SRPK2: variants seen among roughly 807,000 people sequenced by gnomAD.
The protein encoded by SRPK2 is SRSF protein kinase 2, also known as SFRS protein kinase 2.
A neutral mutation model predicts 90.8 loss-of-function variants in SRPK2; 21 were observed. The observed-to-expected ratio is 0.23, with a 90% confidence interval of 0.16 to 0.33. The LOEUF (loss-of-function observed/expected upper bound fraction) is 0.33, where lower values mean the gene tolerates loss of function less well. Ranked by LOEUF, SRPK2 falls within the 10% of genes least tolerant of loss-of-function variation. SRPK2 has a pLI of 1.00. For missense variants in SRPK2, 620 were observed against 869.0 expected, an observed-to-expected ratio of 0.71 and a Z score of 3.60; for synonymous variants, 288 against 311.1, an observed-to-expected ratio of 0.93 and a Z score of 0.78.
At chr7:105,230,078 A>T (rs1249034739) in intron 2 of SRPK2, among the ~76,000 whole-genome samples, 1 of 152,232 alleles carries the variant, frequency 6.6e-6, no homozygotes, top group African/African-American at 2.4e-5. Flanking sequence ...TAAAATGCTA[A>T]GGCAGGAATT....
Position 105,235,670 on chromosome 7 carries a change from AAACATTC to A in SRPK2, c.72-31892_72-31886del, listed in dbSNP as rs1199647952. On this transcript the variant is annotated intron_variant, in intron 2 of 15. Coordinates refer to ENST00000393651, the MANE Select transcript of SRPK2 (RefSeq NM_182692.3). ...TCATATGATCTATAAAAGGCATGAG[AAACATTC>A]AACATTTGAAACTATGAGAAATAAT... Among the ~76,000 whole-genome samples, 8 of 152,320 alleles carry A rather than the reference AAACATTC, an allele frequency of 5.3e-5. No homozygotes were observed. The East Asian group carries it at 1.5e-3, about 29-fold the overall frequency.
At chr7:105,292,613 G>C (rs1809205656) in intron 2 of SRPK2, among the ~76,000 whole-genome samples, 1 of 151,418 alleles carries the variant, frequency 6.6e-6, no homozygotes, top group Non-Finnish European at 1.5e-5. Flanking sequence ...CGCACCTGAA[G>C]ATCTGCTACT....
At chr7:105,397,006 A>G (rs543430467) in intron 1 of SRPK2, among the ~76,000 whole-genome samples, 7 of 151,868 alleles carry the variant, frequency 4.6e-5, no homozygotes, top group Non-Finnish European at 1.0e-4. Context: ...GGATGCTTTT[A>G]TTATTGTTTT....
At chr7:105,134,004 G>A (rs1802418837) in intron 11 of SRPK2, among the ~76,000 whole-genome samples, 1 of 152,128 alleles carries the variant, frequency 6.6e-6, no homozygotes, top group Non-Finnish European at 1.5e-5. Flanking sequence ...AGTCCTTAAA[G>A]TCAGCATCTT....
intron 2 of SRPK2, among the ~76,000 whole-genome samples, chr7:105,378,920 T>C (rs1820617221): frequency 1.3e-5 from 2 of 152,026 alleles, no homozygotes; most frequent in Non-Finnish European, 1.5e-5. Context: ...GTCTTTACAC[T>C]TGTGGGAGAG....
chr7:105,167,390 G>A lies in SRPK2; in HGVS notation c.501C>T (p.Gly167=). The change falls in exon 6 of 16, where the codon GGC becomes GGT. Residue 167 remains glycine, a synonymous_variant. Coordinates refer to ENST00000393651, the MANE Select transcript of SRPK2 (RefSeq NM_182692.3). ...VQLIDDFKIS[G]MNGIHVCMVF... The stretch of plus-strand genomic sequence containing the variant: ...AGTAAAGGATACGTATCCCATTCAT[G>A]CCTGAAATCTTGAAGTCGTCAATGA... 3 of 1,613,338 alleles carry A rather than the reference G, an allele frequency of 1.9e-6. No homozygotes were observed. Among genetic ancestry groups the A allele is most frequent in the Non-Finnish European group, 2.5e-6 (3 of 1,179,430 alleles).
At chr7:105,152,281 C>G (rs539393764) in intron 7 of SRPK2, among the ~76,000 whole-genome samples, 1 of 152,116 alleles carries the variant, frequency 6.6e-6, no homozygotes, top group Admixed American at 6.5e-5. Context: ...TCCCTAGTAG[C>G]TGGGATTACA....
intron 4 of SRPK2, 142 bp from the exon 5 acceptor site, chr7:105,168,237 C>T (rs1022198637): frequency 3.9e-5 from 25 of 637,546 alleles, no homozygotes; most frequent in South Asian, 6.3e-5. Flanking sequence ...TGTGTCAACA[C>T]GATGCCACAG....
intron 3 of SRPK2, among the ~76,000 whole-genome samples, chr7:105,191,882 C>CA (rs1794329760): frequency 6.9e-6 from 1 of 144,070 alleles, no homozygotes; most frequent in Admixed American, 7.0e-5. Context: ...ACAAAAAAAA[C>CA]TTTTTTTTTT....
At chr7:105,136,953 A>G (rs1056537457) in intron 11 of SRPK2, among the ~76,000 whole-genome samples, 2 of 152,214 alleles carry the variant, frequency 1.3e-5, no homozygotes, top group Admixed American at 1.3e-4. Context: ...AATATGGGCA[A>G]TAAGGCAAAT....
chr7:105,223,446 T>A (rs1036444995), intron 2 of SRPK2, among the ~76,000 whole-genome samples: 1 of 152,178 alleles, frequency 6.6e-6, no homozygotes. Flanking sequence ...AAATTAAATG[T>A]CTCCCATCTC....
At chr7:105,337,234 C>T (rs1354977095) in intron 2 of SRPK2, among the ~76,000 whole-genome samples, 1 of 152,030 alleles carries the variant, frequency 6.6e-6, no homozygotes, top group Non-Finnish European at 1.5e-5. Flanking sequence ...GCCTTAACCC[C>T]CAGTGTGATA....
At chr7:105,275,585 C>T (rs1274637317) in intron 2 of SRPK2, among the ~76,000 whole-genome samples, 1 of 152,174 alleles carries the variant, frequency 6.6e-6, no homozygotes, top group African/African-American at 2.4e-5. Context: ...TAATGCTTCA[C>T]CTGTCTACGT....
chr7:105,251,150 C>T (rs1802431736), intron 2 of SRPK2, among the ~76,000 whole-genome samples: 1 of 152,198 alleles, frequency 6.6e-6, no homozygotes, highest in African/African-American at 2.4e-5. Flanking sequence ...TATAACAGGA[C>T]AACGCCATAG....
In SRPK2 at chr7:105,254,587, C is replaced by G. The variant is rs184665833; in HGVS notation, c.72-50802G>C. Among the ~76,000 whole-genome samples, 156 of 151,940 alleles carry G rather than the reference C, an allele frequency of 1.0e-3. 1 individual carries two copies. Among genetic ancestry groups the G allele is most frequent in the African/African-American group, 3.1e-3 (127 of 41,466 alleles). The stretch of plus-strand genomic sequence containing the variant: ...ATTTGCATATGTTAAGTATAAAATG[C>G]CAGTTTGAAAATCATTTCTCAGTAT... On this transcript the variant is annotated intron_variant, in intron 2 of 15. Transcript: ENST00000393651.
intron 2 of SRPK2, among the ~76,000 whole-genome samples, chr7:105,273,358 T>C (rs1806085738): frequency 3.9e-5 from 6 of 152,076 alleles, no homozygotes; most frequent in Admixed American, 3.9e-4. Context: ...CGTATACAGT[T>C]TCCTCTCCCT....
intron 2 of SRPK2, chr7:105,297,427 G>C: frequency 1.0e-6 from 1 of 980,904 alleles, no homozygotes; most frequent in Non-Finnish European, 1.2e-6. Context: ...TTACCTTATT[G>C]AACATTTGCA....
intron 2 of SRPK2, among the ~76,000 whole-genome samples, chr7:105,322,089 A>C (rs1813000521): frequency 6.6e-6 from 1 of 152,196 alleles, no homozygotes; most frequent in South Asian, 2.1e-4. Context: ...TGGTGTATAG[A>C]TACAATGAAA....
At chr7:105,155,056 C>T (rs193095845) in intron 7 of SRPK2, among the ~76,000 whole-genome samples, 1 of 152,242 alleles carries the variant, frequency 6.6e-6, no homozygotes, top group East Asian at 1.9e-4. Flanking sequence ...TCTCGGCTCA[C>T]TGCAGCCTCC....
Sources: allele counts gnomAD v4.1 joint callset (sites outside exome capture counted in the v4.1 genomes callset), GRCh38; gene constraint gnomAD v4.1.1; transcripts MANE v1.5; gene names NCBI Gene and HGNC (gene_info 2026-07-23, HGNC 2026-07-21).